Variants in ARHGEF26 observed in about 807,000 individuals in gnomAD.
ARHGEF26 encodes the protein Rho guanine nucleotide exchange factor 26.
Under a neutral mutation model 89.4 loss-of-function variants are expected in ARHGEF26, and 59 were observed. The observed-to-expected ratio is 0.66, with a 90% CI of 0.54 to 0.82. The LOEUF is 0.82. Ranked by LOEUF, ARHGEF26 falls within the 40% of genes least tolerant of loss-of-function variation. The pLI, the probability that ARHGEF26 is intolerant of heterozygous loss-of-function variation, is 0.00. For missense variants in ARHGEF26, 1,234 were observed against 1,085.6 expected (o/e 1.14, Z -1.92); for synonymous variants, 500 against 428.4 (o/e 1.17, Z -2.06).
At chr3:154,191,914 G>C (rs1051092407) in intron 8 of ARHGEF26, among the ~76,000 whole-genome samples, 3 of 152,240 alleles carry the variant, frequency 2.0e-5, no homozygotes, top group Non-Finnish European at 2.9e-5. Flanking sequence ...TGCGAAGTGA[G>C]TGAGGAAAGC....
chr3:154,222,251 T>G (rs190581321), intron 10 of ARHGEF26, among the ~76,000 whole-genome samples: 1,682 of 152,328 alleles, frequency 0.011, 23 homozygotes, highest in African/African-American at 0.038. Context: ...GTGTGTGTGT[T>G]TTTCATTGTC....
chr3:154,132,620 C>A (rs1044707939), intron 4 of ARHGEF26, among the ~76,000 whole-genome samples: 7 of 152,092 alleles, frequency 4.6e-5, no homozygotes, highest in African/African-American at 1.7e-4. Flanking sequence ...TGATCGGCAC[C>A]TCTATTTCTC....
chr3:154,247,246 C>T (rs1178910172), intron 12 of ARHGEF26, among the ~76,000 whole-genome samples: 1 of 152,136 alleles, frequency 6.6e-6, no homozygotes, highest in Non-Finnish European at 1.5e-5. Context: ...TCAACACTGC[C>T]CGTGGCTTTC....
At chr3:154,161,437 A>G (rs1312257860) in intron 6 of ARHGEF26, among the ~76,000 whole-genome samples, 1 of 152,304 alleles carries the variant, frequency 6.6e-6, no homozygotes, top group East Asian at 1.9e-4. Context: ...GGATTAAATG[A>G]TATACATAAA....
chr3:154,145,877 A>C (rs1719673758), intron 4 of ARHGEF26, among the ~76,000 whole-genome samples: 1 of 152,214 alleles, frequency 6.6e-6, no homozygotes, highest in South Asian at 2.1e-4. Flanking sequence ...CAGTTAGTAG[A>C]GTCAAAGACC....
intron 6 of ARHGEF26, among the ~76,000 whole-genome samples, chr3:154,162,529 T>C (rs1312754245): frequency 6.6e-6 from 1 of 152,146 alleles, no homozygotes; most frequent in Non-Finnish European, 1.5e-5. Context: ...TGCTATAATG[T>C]TGATGAGGGG....
Position 154,123,041 on chromosome 3 carries a change from A to G in ARHGEF26, c.1049A>G (p.Asp350Gly), listed in dbSNP as rs371016104. ...CCTGTTCTGAAAGTGGTGATGGAAGACAAGGAGAAGTTTTCCAGTCTGGGA... is the reference window on the plus strand; with the variant it reads ...CCTGTTCTGAAAGTGGTGATGGAAGGCAAGGAGAAGTTTTCCAGTCTGGGA... Reference protein sequence around the residue: ...SQPVLKVVMEDKEKFSSLGRI... With the variant: ...SQPVLKVVMEGKEKFSSLGRI... The change falls in exon 2 of 15, where the codon GAC (aspartate) becomes GGC (glycine). Residue 350 changes from aspartate to glycine, a missense_variant. Transcript: ENST00000465093. 8.1e-6 allele frequency: 13 copies of G among 1,613,886 alleles called. No homozygotes were observed. In the African/African-American group the frequency reaches 1.5e-4, roughly 18 times the overall value.
intron 6 of ARHGEF26, among the ~76,000 whole-genome samples, chr3:154,176,254 G>A (rs1712809731): frequency 6.6e-6 from 1 of 152,178 alleles, no homozygotes; most frequent in South Asian, 2.1e-4. Flanking sequence ...AGCCAGCTCT[G>A]CTTTTGTGGC....
intron 6 of ARHGEF26, among the ~76,000 whole-genome samples, chr3:154,175,176 T>A (rs1289928815): frequency 6.6e-6 from 1 of 152,138 alleles, no homozygotes; most frequent in East Asian, 1.9e-4. Flanking sequence ...GTATTAAAGG[T>A]TCTATAAACC....
At chr3:154,219,646 G>A (rs970506953) in intron 10 of ARHGEF26, among the ~76,000 whole-genome samples, 3 of 150,826 alleles carry the variant, frequency 2.0e-5, no homozygotes, top group African/African-American at 7.3e-5. Flanking sequence ...AAATTAATTT[G>A]TAATTGAAAA....
At chr3:154,141,106 C>T (rs979865290) in intron 4 of ARHGEF26, among the ~76,000 whole-genome samples, 2 of 152,082 alleles carry the variant, frequency 1.3e-5, no homozygotes, top group Non-Finnish European at 2.9e-5. Flanking sequence ...GGACTACAGG[C>T]GGCTGCCACC....
At position 154,138,821 on chromosome 3, in the gene ARHGEF26, C is replaced by T. The variant is rs1277361933; in HGVS notation, c.1269+9102C>T. ...GCCCCACATGAAGTTCTGTCTATGG[C>T]AGGCCCTGGAGATAGAGCAAGAACA... On this transcript the variant is annotated intron_variant, in intron 4 of 14. Coordinates refer to ENST00000465093, the MANE Select transcript of ARHGEF26 (RefSeq NM_015595.4). Among the ~76,000 whole-genome samples, 10 of 152,192 alleles carry T rather than the reference C, an allele frequency of 6.6e-5. No homozygotes were observed. The East Asian group carries it at 1.7e-3, about 26-fold the overall frequency.
intron 10 of ARHGEF26, among the ~76,000 whole-genome samples, chr3:154,219,757 C>CA (rs1443832835): frequency 6.7e-6 from 1 of 149,628 alleles, no homozygotes; most frequent in Non-Finnish European, 1.5e-5. Flanking sequence ...ACTAAAAATA[C>CA]AAAAAAATTA....
At chr3:154,169,679 T>C (rs1712290881) in intron 6 of ARHGEF26, among the ~76,000 whole-genome samples, 1 of 152,222 alleles carries the variant, frequency 6.6e-6, no homozygotes, top group Non-Finnish European at 1.5e-5. Flanking sequence ...GTGAGTTCAA[T>C]ATTAACAAAT....
chr3:154,132,564 C>T (rs758620086), intron 4 of ARHGEF26, among the ~76,000 whole-genome samples: 6 of 152,058 alleles, frequency 3.9e-5, no homozygotes, highest in East Asian at 1.9e-4. Flanking sequence ...CCCTAACGAG[C>T]GGAGGCTTCG....
chr3:154,208,468 G>T (rs1715165132), intron 9 of ARHGEF26, among the ~76,000 whole-genome samples: 1 of 151,950 alleles, frequency 6.6e-6, no homozygotes, highest in Non-Finnish European at 1.5e-5. Context: ...CTTGTACTTG[G>T]ATACTTATAT....
chr3:154,183,129 A>G (rs866642293), intron 6 of ARHGEF26, among the ~76,000 whole-genome samples: 9 of 152,170 alleles, frequency 5.9e-5, no homozygotes, highest in Non-Finnish European at 8.8e-5. Flanking sequence ...GCAGACTACA[A>G]TCATTTAAAG....
chr3:154,156,529 T>C (rs547981712), intron 6 of ARHGEF26, among the ~76,000 whole-genome samples: 2 of 152,322 alleles, frequency 1.3e-5, no homozygotes, highest in African/African-American at 4.8e-5. Context: ...ATTTGATCTC[T>C]GTTATATTTC....
chr3:154,221,418 C>T (rs1331913113), intron 10 of ARHGEF26, among the ~76,000 whole-genome samples: 1 of 152,144 alleles, frequency 6.6e-6, no homozygotes, highest in Non-Finnish European at 1.5e-5. Context: ...TGCAATTTGG[C>T]AATAACTATC....
Sources: gnomAD v4.1 joint callset for allele counts (sites outside exome capture counted in the v4.1 genomes callset) on GRCh38, gnomAD v4.1.1 for gene constraint, MANE v1.5 for transcripts, NCBI Gene and HGNC (gene_info 2026-07-23, HGNC 2026-07-21) for gene names.